Variants in PRKCB observed in about 807,000 individuals in gnomAD.
PRKCB encodes protein kinase C beta, also known as protein kinase C beta type.
In PRKCB, 13 loss-of-function variants were observed where a neutral mutation model predicts 81.5. The observed-to-expected ratio is 0.16, with a 90% CI of 0.10 to 0.25. PRKCB has a LOEUF of 0.25. Ranked by LOEUF, PRKCB falls within the 10% of genes least tolerant of loss-of-function variation. The probability of loss-of-function intolerance (pLI) is 1.00; values close to 1 mark genes in which losing one functional copy is unlikely to be tolerated. For synonymous variants in PRKCB, 335 were observed against 321.4 expected (o/e 1.04, Z -0.45); for missense variants, 509 against 875.7 (o/e 0.58, Z 5.29).
chr16:23,851,672 C>G (rs1156838831), intron 2 of PRKCB, among the ~76,000 whole-genome samples: 2 of 152,042 alleles, frequency 1.3e-5, no homozygotes, highest in Admixed American at 6.6e-5. Flanking sequence ...ATTGCTTTGG[C>G]TAGTATGGAC....
intron 2 of PRKCB, among the ~76,000 whole-genome samples, chr16:23,845,549 G>A (rs1355466203): frequency 1.3e-5 from 2 of 152,180 alleles, no homozygotes; most frequent in African/African-American, 2.4e-5. Context: ...GGAAGGCCAA[G>A]GCAAGAGGAT....
chr16:23,898,347 G>A (rs954009217), intron 2 of PRKCB, among the ~76,000 whole-genome samples: 5 of 152,062 alleles, frequency 3.3e-5, no homozygotes, highest in Non-Finnish European at 4.4e-5. Context: ...GATTATAGGC[G>A]TGAGCCACCG....
chr16:24,213,852 G>A (rs1483583948), intron 16 of PRKCB, among the ~76,000 whole-genome samples: 1 of 152,142 alleles, frequency 6.6e-6, no homozygotes, highest in African/African-American at 2.4e-5. Flanking sequence ...CTCAGATGGG[G>A]GCCTTTTTAA....
Position 24,081,573 on chromosome 16 carries a change from A to AT in PRKCB, c.530-11213dup, listed in dbSNP as rs527928286. 1.4e-4 allele frequency among the ~76,000 whole-genome samples: 21 copies of AT among 152,234 alleles called. No individual in the cohort carries two copies. The East Asian group carries it at 3.7e-3, about 27-fold the overall frequency. ...TAACCAGCACAGTAAGATAAAAAAA[A>AT]TTTTTAAAGGCATGTGGGGCTCGGC... On this transcript the variant is annotated intron_variant, in intron 5 of 16. Transcript: ENST00000643927.
chr16:24,093,182 T>A (rs563181974), intron 6 of PRKCB, among the ~76,000 whole-genome samples: 3 of 152,152 alleles, frequency 2.0e-5, no homozygotes, highest in Non-Finnish European at 1.5e-5. Flanking sequence ...TGAGAATGCC[T>A]GTGGTGTGGG....
At chr16:24,181,793 A>G in intron 13 of PRKCB, among the ~76,000 whole-genome samples, 1 of 150,282 alleles carries the variant, frequency 6.7e-6, no homozygotes, top group South Asian at 2.1e-4. Context: ...AAAAAAAAAG[A>G]AGAAGAATGA....
chr16:23,974,948 T>A (rs1236311410), intron 2 of PRKCB, among the ~76,000 whole-genome samples: 1 of 152,086 alleles, frequency 6.6e-6, no homozygotes, highest in Non-Finnish European at 1.5e-5. Context: ...GATTCCCCAA[T>A]GTTGTGAGGT....
At chr16:24,209,864 G>A (rs1968112000) in intron 16 of PRKCB, among the ~76,000 whole-genome samples, 1 of 151,968 alleles carries the variant, frequency 6.6e-6, no homozygotes, top group Admixed American at 6.6e-5. Context: ...AGAACTTTGG[G>A]AGGCTGAGGT....
chr16:24,054,681 T>C (rs1965883159), intron 5 of PRKCB, among the ~76,000 whole-genome samples: 1 of 152,224 alleles, frequency 6.6e-6, no homozygotes, highest in Non-Finnish European at 1.5e-5. Flanking sequence ...GAAAAGGTTC[T>C]TTTCTGTGGG....
chr16:23,912,752 A>T (rs532683648), intron 2 of PRKCB, among the ~76,000 whole-genome samples: 1 of 150,938 alleles, frequency 6.6e-6, no homozygotes, highest in East Asian at 1.9e-4. Context: ...ACCTCAGGTG[A>T]TCCACCCTCT....
intron 5 of PRKCB, among the ~76,000 whole-genome samples, chr16:24,066,575 A>G (rs1351152448): frequency 2.6e-5 from 4 of 152,182 alleles, no homozygotes; most frequent in Non-Finnish European, 4.4e-5. Flanking sequence ...AGATGTTAAC[A>G]CTAATTAGTA....
chr16:24,141,860 G>C (rs1050237854), intron 9 of PRKCB, among the ~76,000 whole-genome samples: 4 of 152,214 alleles, frequency 2.6e-5, no homozygotes, highest in African/African-American at 9.6e-5. Flanking sequence ...CCAGGACATA[G>C]ATTTCATAGC....
At chr16:23,901,383 T>C (rs964795161) in intron 2 of PRKCB, among the ~76,000 whole-genome samples, 2 of 151,904 alleles carry the variant, frequency 1.3e-5, no homozygotes, top group Non-Finnish European at 2.9e-5. Flanking sequence ...TGCTGCTTGA[T>C]TGGGAGTATG....
intron 2 of PRKCB, among the ~76,000 whole-genome samples, chr16:23,956,275 G>A (rs1405775396): frequency 6.6e-6 from 1 of 151,882 alleles, no homozygotes; most frequent in Non-Finnish European, 1.5e-5. Flanking sequence ...GCGCCACCAC[G>A]TCCAGCTAAT....
chr16:24,074,958 C>T (rs1165447295), intron 5 of PRKCB, among the ~76,000 whole-genome samples: 2 of 151,864 alleles, frequency 1.3e-5, no homozygotes, highest in African/African-American at 4.8e-5. Flanking sequence ...CTTGCCTCTA[C>T]AAAAAATAAA....
At chr16:23,921,205 G>A (rs1231629967) in intron 2 of PRKCB, among the ~76,000 whole-genome samples, 1 of 152,184 alleles carries the variant, frequency 6.6e-6, no homozygotes, top group East Asian at 1.9e-4. Context: ...ACAGGGTAAT[G>A]AAGAATGTGT....
At chr16:23,976,278 A>G (rs1964624077) in intron 2 of PRKCB, among the ~76,000 whole-genome samples, 1 of 152,124 alleles carries the variant, frequency 6.6e-6, no homozygotes, top group Admixed American at 6.6e-5. Flanking sequence ...ACCTTGGGTG[A>G]CAGAGTGAGA....
Position 24,204,299 on chromosome 16 carries a change from G to A in PRKCB, c.1864-10359G>A, listed in dbSNP as rs928775057. Among the ~76,000 whole-genome samples, 46 of 152,038 alleles carry A rather than the reference G, an allele frequency of 3.0e-4. 1 individual carries two copies. The highest frequency in any genetic ancestry group is 2.0e-4 in the Admixed American group (3 of 15,254). On this transcript the variant is annotated intron_variant, in intron 16 of 16. Coordinates refer to ENST00000643927, the MANE Select transcript of PRKCB (RefSeq NM_002738.7). ...CCAGGTTAGCTTAACTTTTAAGTCCGTGCCACACAATCAGATACATAGTAT... is the reference window on the plus strand; with the variant it reads ...CCAGGTTAGCTTAACTTTTAAGTCCATGCCACACAATCAGATACATAGTAT...
chr16:24,078,396 C>G (rs1413243640), intron 5 of PRKCB, among the ~76,000 whole-genome samples: 32 of 152,222 alleles, frequency 2.1e-4, no homozygotes, highest in Admixed American at 2.1e-3. Flanking sequence ...CTTGTTTTCA[C>G]TTAACTTGAG....
Sources: gnomAD v4.1 joint callset for allele counts (sites outside exome capture counted in the v4.1 genomes callset) on GRCh38, gnomAD v4.1.1 for gene constraint, MANE v1.5 for transcripts, NCBI Gene and HGNC (gene_info 2026-07-23, HGNC 2026-07-21) for gene names.